Variants in UGT2B15 observed in about 807,000 individuals in gnomAD.
UGT2B15 encodes UDP-glucuronosyltransferase 2B15.
Under a neutral mutation model 45.9 loss-of-function variants are expected in UGT2B15, and 36 were observed. That is an observed-to-expected ratio of 0.78 (90% confidence interval 0.60 to 1.04). The LOEUF (loss-of-function observed/expected upper bound fraction) is 1.04, where lower values mean the gene tolerates loss of function less well. Among genes scored for constraint, UGT2B15 ranks in the 50% least tolerant of loss-of-function variants. The pLI, the probability that UGT2B15 is intolerant of heterozygous loss-of-function variation, is 0.00. For missense variants in UGT2B15, 617 were observed against 622.4 expected (o/e 0.99, Z 0.09); for synonymous variants, 219 against 216.4 (o/e 1.01, Z -0.11).
intron 3 of UGT2B15, among the ~76,000 whole-genome samples, chr4:68,658,562 G>A (rs1183257469): frequency 6.6e-6 from 1 of 152,004 alleles, no homozygotes; most frequent in Admixed American, 6.6e-5. Flanking sequence ...AATGATCTTT[G>A]CTTGTGTAAT....
intron 5 of UGT2B15, among the ~76,000 whole-genome samples, chr4:68,652,168 T>C (rs561014439): frequency 5.3e-5 from 8 of 152,052 alleles, no homozygotes; most frequent in Non-Finnish European, 1.0e-4. Flanking sequence ...GATTTGGCTC[T>C]CTGTCAAATC....
intron 3 of UGT2B15, among the ~76,000 whole-genome samples, chr4:68,660,932 C>T (rs1732946955): frequency 6.6e-6 from 1 of 151,846 alleles, no homozygotes; most frequent in South Asian, 2.1e-4. Context: ...GAGTAATGGG[C>T]CTATATTAAT....
Position 68,647,403 on chromosome 4 carries a change from A to G in UGT2B15, c.1314-20T>C. On this transcript the variant is annotated intron_variant, in intron 5 of 5. Coordinates refer to ENST00000338206, the MANE Select transcript of UGT2B15 (RefSeq NM_001076.4). ...TTATAGCTGAAGGATAAATATAAAG[A>G]TATCAACATTAAAAGTAAATTTATT... The G allele has an allele frequency of 6.3e-7, 1 of 1,594,822 alleles. No homozygotes were observed. The highest frequency in any genetic ancestry group is 1.3e-5 in the African/African-American group (1 of 74,138).
chr4:68,668,575 C>A (rs1267824262), intron 1 of UGT2B15, among the ~76,000 whole-genome samples: 1 of 150,846 alleles, frequency 6.6e-6, no homozygotes, highest in African/African-American at 2.4e-5. Context: ...AGGGAGGGAC[C>A]CAGTGGCAGG....
chr4:68,666,382 CTAATT>C (rs1733119797), intron 2 of UGT2B15, among the ~76,000 whole-genome samples: 1 of 152,144 alleles, frequency 6.6e-6, no homozygotes, highest in South Asian at 2.1e-4. Flanking sequence ...CACATGTTAG[CTAATT>C]TAAAGTATTA....
Position 68,670,469 on chromosome 4 carries a change from A to T in UGT2B15, c.150T>A (p.Gly50=), listed in dbSNP as rs1733278576. 1 of 1,613,786 alleles carries T rather than the reference A, an allele frequency of 6.2e-7. No individual in the cohort carries two copies. Among genetic ancestry groups the T allele is most frequent in the African/African-American group, 1.3e-5 (1 of 74,846 alleles). ...AAGATGTCAACACAGTCACCTCATG[A>T]CCCCTCTGAACAAGCTCTTCCAGGA... The part of the protein sequence containing the change: ...KTILEELVQR[G]HEVTVLTSSA... Residue 50 remains glycine, a synonymous_variant, in exon 1 of 6, where the codon GGT becomes GGA. Coordinates refer to ENST00000338206, the MANE Select transcript of UGT2B15 (RefSeq NM_001076.4).
At position 68,661,066 on chromosome 4, in the gene UGT2B15, T is replaced by C. The variant is rs568647312; in HGVS notation, c.1005+1942A>G. Among the ~76,000 whole-genome samples the C allele has an allele frequency of 2.6e-5, 4 of 152,156 alleles. No individual in the cohort carries two copies. The South Asian group carries it at 8.3e-4, about 32-fold the overall frequency. On this transcript the variant is annotated intron_variant, in intron 3 of 5. Coordinates refer to ENST00000338206, the MANE Select transcript of UGT2B15 (RefSeq NM_001076.4). ...CTTTCCTAATAACTCAGGACCTGCT[T>C]AGGAATAAACCTTCCTTGCCATTAG...
In UGT2B15 at chr4:68,670,336, C is replaced by T. The variant is rs767748124; in HGVS notation, c.283G>A (p.Asp95Asn). Reference sequence around the variant, plus strand: ...TTTGAAACACCATATATCCATCTATCGAGAATTTTCAGAAGAGAATCTTCC... The same window carrying T: ...TTTGAAACACCATATATCCATCTATTGAGAATTTTCAGAAGAGAATCTTCC... ...YLEDSLLKILDRWIYGVSKNT... is the reference protein window; with the variant it reads ...YLEDSLLKILNRWIYGVSKNT... The change falls in exon 1 of 6, where the codon GAT becomes AAT. Residue 95 changes from aspartate to asparagine, a missense_variant. Coordinates refer to ENST00000338206, the MANE Select transcript of UGT2B15 (RefSeq NM_001076.4). The T allele has an allele frequency of 1.6e-5, 26 of 1,613,452 alleles. No homozygotes were observed. Among genetic ancestry groups the T allele is most frequent in the Middle Eastern group, 3.3e-4 (2 of 6,074 alleles).
intron 5 of UGT2B15, among the ~76,000 whole-genome samples, chr4:68,651,733 A>G (rs1472188654): frequency 1.3e-5 from 2 of 152,052 alleles, no homozygotes; most frequent in Non-Finnish European, 2.9e-5. Context: ...ATTGGTCTAT[A>G]TATCTGTTTG....
chr4:68,661,636 T>C (rs1732970662), intron 3 of UGT2B15, among the ~76,000 whole-genome samples: 1 of 152,104 alleles, frequency 6.6e-6, no homozygotes, highest in African/African-American at 2.4e-5. Context: ...GACTAAATAT[T>C]TAAACTGCAC....
chr4:68,646,823 T>G lies in UGT2B15; in HGVS notation c.*281A>C, dbSNP rs887978398. 7.0e-5 allele frequency: 26 copies of G among 373,778 alleles called. No individual in the cohort carries two copies. The highest frequency in any genetic ancestry group is 1.2e-4 in the Non-Finnish European group (25 of 207,200). The allele number at this position is 373,778 out of a possible 1,614,324, so 23.2% of individuals were successfully genotyped here. On this transcript the variant is annotated 3_prime_UTR_variant, in exon 6 of 6. Coordinates refer to ENST00000338206, the MANE Select transcript of UGT2B15 (RefSeq NM_001076.4). ...GCTACATATGTATACATGTGCCATG[T>G]TGGCGTGCTGCATCCAGTAACTCGT...
At chr4:68,663,571 A>AT (rs1218794278) in intron 2 of UGT2B15, among the ~76,000 whole-genome samples, 4 of 151,550 alleles carry the variant, frequency 2.6e-5, no homozygotes, top group African/African-American at 7.3e-5. Context: ...ATTTTATTTT[A>AT]TTTTTTTCTG....
intron 5 of UGT2B15, among the ~76,000 whole-genome samples, chr4:68,653,157 A>T (rs970963633): frequency 6.6e-6 from 1 of 152,072 alleles, no homozygotes; most frequent in African/African-American, 2.4e-5. Flanking sequence ...CACTCCTAGC[A>T]TCTCCTCAAA....
chr4:68,650,015 T>C (rs1732604726), intron 5 of UGT2B15, among the ~76,000 whole-genome samples: 1 of 151,952 alleles, frequency 6.6e-6, no homozygotes, highest in Non-Finnish European at 1.5e-5. Context: ...GTATTTTTAG[T>C]AGAGACAGGG....
chr4:68,647,527 T>C lies in UGT2B15; in HGVS notation c.1314-144A>G, dbSNP rs144643563. ...TTGGCATGAAATTTCAATGTTTTAA[T>C]TCATGTCATTACAGAAAGTTTGGTT... On this transcript the variant is annotated intron_variant, in intron 5 of 5. Transcript: ENST00000338206. 91 of 1,083,878 alleles carry C rather than the reference T, an allele frequency of 8.4e-5. 1 individual carries two copies. The African/African-American group carries it at 1.2e-3, about 15-fold the overall frequency. 67.1% of individuals were successfully genotyped at this position (1,083,878 alleles called of 1,614,324 possible). A position where few individuals can be genotyped will look rare whatever the true frequency, so the allele number is the denominator to read the frequency against.
chr4:68,668,162 T>C lies in UGT2B15; in HGVS notation c.751A>G (p.Met251Val). 3.7e-6 allele frequency: 6 copies of C among 1,613,210 alleles called. No homozygotes were observed. The highest frequency in any genetic ancestry group is 5.1e-6 in the Non-Finnish European group (6 of 1,179,470). Residue 251 changes from methionine (M) to valine (V), a missense_variant, in exon 2 of 6, where the codon ATG becomes GTG. By Grantham distance (21) the Met-to-Val change is conservative. Coordinates refer to ENST00000338206, the MANE Select transcript of UGT2B15 (RefSeq NM_001076.4). ...ATGAGCCACATTTCAGCTTTCCCCA[T>C]TGTCTCAAATAATGTAGTGGGTCTT... Reference protein sequence around the residue: ...LGRPTTLFETMGKAEMWLIRT... With the variant: ...LGRPTTLFETVGKAEMWLIRT...
At chr4:68,648,975 T>C (rs1417460821) in intron 5 of UGT2B15, among the ~76,000 whole-genome samples, 1 of 152,022 alleles carries the variant, frequency 6.6e-6, no homozygotes, top group Non-Finnish European at 1.5e-5. Context: ...TATTAAGATA[T>C]TTGTATATTT....
At position 68,647,256 on chromosome 4, in the gene UGT2B15, C is replaced by A. The variant is rs570144909; in HGVS notation, c.1441G>T (p.Ala481Ser). 6.2e-6 allele frequency: 10 copies of A among 1,613,994 alleles called. No homozygotes were observed. The African/African-American group carries it at 1.3e-4, about 22-fold the overall frequency. The change falls in exon 6 of 6, where the codon GCT becomes TCT. Residue 481 changes from alanine (A) to serine (S), a missense_variant. Ala to Ser is a moderately conservative substitution (Grantham distance 99). Around this residue, in one of 3 missense-constraint regions of UGT2B15, gnomAD observed 265 missense variants for 245.1 expected, o/e 1.08. Coordinates refer to ENST00000338206, the MANE Select transcript of UGT2B15 (RefSeq NM_001076.4). ...TACTGGATCCAGGTGAGGTTGTGAG[C>A]TGCGACTCGAAGGTGCTTGGCTCCT... ...HKGAKHLRVA[A>S]HNLTWIQYHS...
chr4:68,648,358 T>G (rs1732546396), intron 5 of UGT2B15, among the ~76,000 whole-genome samples: 2 of 151,996 alleles, frequency 1.3e-5, no homozygotes, highest in Admixed American at 1.3e-4. Flanking sequence ...TTAGCCCCTT[T>G]ACACCTTTTG....
Sources: gnomAD v4.1 joint callset for allele counts (sites outside exome capture counted in the v4.1 genomes callset) on GRCh38, gnomAD v4.1.1 for gene constraint, gnomAD v4.1.1 regional missense constraint, MANE v1.5 for transcripts, NCBI Gene and HGNC (gene_info 2026-07-23, HGNC 2026-07-21) for gene names.